Variants in LMNB1 observed in about 807,000 individuals in gnomAD.
LMNB1 encodes lamin B1.
A neutral mutation model predicts 67.1 loss-of-function variants in LMNB1; 23 were observed. The ratio of observed to expected loss-of-function variants is 0.34; its 90% CI spans 0.25 to 0.49. The LOEUF (loss-of-function observed/expected upper bound fraction) is 0.49, where lower values mean the gene tolerates loss of function less well. Among genes scored for constraint, LMNB1 ranks in the 20% least tolerant of loss-of-function variants. The probability of loss-of-function intolerance (pLI) is 0.99; values close to 1 mark genes in which losing one functional copy is unlikely to be tolerated. For synonymous variants in LMNB1, 281 were observed against 282.9 expected (o/e 0.99, Z 0.07); for missense variants, 634 against 746.5 (o/e 0.85, Z 1.76).
chr5:126,787,549 T>TTG (rs1750840129), intron 1 of LMNB1, among the ~76,000 whole-genome samples: 1 of 120,366 alleles, frequency 8.3e-6, no homozygotes, highest in Non-Finnish European at 1.8e-5. Flanking sequence ...TATATATATT[T>TTG]TTTTTTTTTT....
rs1752251088 is a variant in LMNB1 at position 126,836,508 on chromosome 5, G to C, written c.*244G>C. On this transcript the variant is annotated 3_prime_UTR_variant, in exon 11 of 11. Coordinates refer to ENST00000261366, the MANE Select transcript of LMNB1 (RefSeq NM_005573.4). ...CTTAATAACTGTGTACTGTTCGGAAGGGGTTCCTCAAATTTTTTGACTTTT... is the reference window on the plus strand; with the variant it reads ...CTTAATAACTGTGTACTGTTCGGAACGGGTTCCTCAAATTTTTTGACTTTT... 3 of 369,236 alleles carry C rather than the reference G, an allele frequency of 8.1e-6. No homozygotes were observed. Among genetic ancestry groups the C allele is most frequent in the Non-Finnish European group, 9.6e-6 (2 of 208,684 alleles). The allele number at this position is 369,236 out of a possible 1,614,324, so 22.9% of individuals were successfully genotyped here. A position where few individuals can be genotyped will look rare whatever the true frequency, so the allele number is the denominator to read the frequency against.
chr5:126,821,100 G>A lies in LMNB1; in HGVS notation c.1351G>A (p.Gly451Arg). ...NVCIEEIDVD[G>R]KFIRLKNTSE... Reference sequence around the variant, plus strand: ...TTGCATCGAAGAAATTGATGTTGATGGGAAATTTATCCGCTTGAAGAACAC... The same window carrying A: ...TTGCATCGAAGAAATTGATGTTGATAGGAAATTTATCCGCTTGAAGAACAC... Residue 451 changes from glycine (G) to arginine (R), a missense_variant, in exon 7 of 11, where the codon GGG becomes AGG. By Grantham distance (125) the Gly-to-Arg change is moderately radical (BLOSUM62 -2). Coordinates refer to ENST00000261366, the MANE Select transcript of LMNB1 (RefSeq NM_005573.4). 1 of 1,613,786 alleles carries A rather than the reference G, an allele frequency of 6.2e-7. No homozygotes were observed.
At chr5:126,824,049 A>G (rs1183399578) in intron 8 of LMNB1, among the ~76,000 whole-genome samples, 6 of 152,168 alleles carry the variant, frequency 3.9e-5, no homozygotes, top group Admixed American at 2.0e-4. Context: ...GGGACTAAAT[A>G]CATGGATTCT....
chr5:126,819,337 ATTTATTATTATT>A, intron 6 of LMNB1, 195 bp downstream of exon 6: 1 of 479,176 alleles, frequency 2.1e-6, no homozygotes, highest in Non-Finnish European at 3.7e-6. Context: ...CTCTTAGTTT[ATTTATTATTATT>A]ACTTTAAATG....
intron 1 of LMNB1, among the ~76,000 whole-genome samples, chr5:126,788,246 A>G (rs1424590528): frequency 6.6e-6 from 1 of 152,114 alleles, no homozygotes; most frequent in Non-Finnish European, 1.5e-5. Flanking sequence ...TTAGGTAGCA[A>G]TGTTAGTTGG....
Position 126,811,753 on chromosome 5 carries a change from TG to T in LMNB1, c.814-19del. 3 of 1,596,622 alleles carry T rather than the reference TG, an allele frequency of 1.9e-6. No homozygotes were observed. The highest frequency in any genetic ancestry group is 2.2e-5 in the South Asian group (2 of 90,208). On this transcript the variant is annotated intron_variant, in intron 4 of 10. Transcript: ENST00000261366. ...TTTCAGTTCTAGATAAGACTGACTA[TG>T]CTTTGCTTCTTCTTTTAGCTTGAGA... is the stretch of plus-strand genomic sequence containing the variant.
chr5:126,778,008 C>G (rs1333177133), intron 1 of LMNB1, 141 bp downstream of exon 1: 2 of 755,628 alleles, frequency 2.6e-6, no homozygotes, highest in Admixed American at 3.9e-5. Flanking sequence ...GTCTCGGTCT[C>G]CGGAAAGGAG....
intron 10 of LMNB1, among the ~76,000 whole-genome samples, chr5:126,833,014 G>A (rs1020899824): frequency 1.9e-4 from 29 of 151,968 alleles, no homozygotes; most frequent in African/African-American, 5.8e-4. Flanking sequence ...TTTTCTCATT[G>A]TACCAAGTTT....
chr5:126,798,782 T>C (rs980815508), intron 1 of LMNB1, among the ~76,000 whole-genome samples: 9 of 151,828 alleles, frequency 5.9e-5, no homozygotes, highest in African/African-American at 1.7e-4. Flanking sequence ...TGTGTGTGTG[T>C]GTGCGTGTGC....
At chr5:126,807,185 G>A (rs1580541207) in intron 3 of LMNB1, among the ~76,000 whole-genome samples, 2 of 152,288 alleles carry the variant, frequency 1.3e-5, no homozygotes, top group South Asian at 4.1e-4. Context: ...TGAGGAAAGG[G>A]GAATGTATAT....
chr5:126,823,912 A>G (rs1259557255), intron 8 of LMNB1, among the ~76,000 whole-genome samples: 2 of 152,184 alleles, frequency 1.3e-5, no homozygotes, highest in Admixed American at 6.5e-5. Flanking sequence ...TGGAAGCTGT[A>G]TAATGTGGTA....
intron 10 of LMNB1, among the ~76,000 whole-genome samples, chr5:126,833,575 T>G (rs1752183031): frequency 6.6e-6 from 1 of 152,232 alleles, no homozygotes. Flanking sequence ...GTAGCATGAA[T>G]TTTTTACCTG....
intron 1 of LMNB1, among the ~76,000 whole-genome samples, chr5:126,779,749 T>A (rs553121098): frequency 2.7e-5 from 4 of 149,638 alleles, no homozygotes; most frequent in Admixed American, 2.7e-4. Context: ...AATACAAAAA[T>A]TGGCCGGACG....
chr5:126,812,793 C>G (rs1346037258), intron 5 of LMNB1, among the ~76,000 whole-genome samples: 1 of 141,846 alleles, frequency 7.0e-6, no homozygotes. Context: ...TGCAGTGGTA[C>G]GATCTCGGCT....
At chr5:126,820,231 T>A (rs1751828786) in intron 6 of LMNB1, among the ~76,000 whole-genome samples, 1 of 152,160 alleles carries the variant, frequency 6.6e-6, no homozygotes, top group African/African-American at 2.4e-5. Context: ...TTATATCCGT[T>A]GTGATCATAA....
chr5:126,787,546 A>ATATATTTTTT, intron 1 of LMNB1, among the ~76,000 whole-genome samples: 23 of 65,524 alleles, frequency 3.5e-4, no homozygotes, highest in Middle Eastern at 0.019. Context: ...ATATATATAT[A>ATATATTTTTT]TTTTTTTTTT....
chr5:126,778,467 C>G (rs1218885322), intron 1 of LMNB1, among the ~76,000 whole-genome samples: 1 of 152,188 alleles, frequency 6.6e-6, no homozygotes, highest in Non-Finnish European at 1.5e-5. Flanking sequence ...TGACGTTTTG[C>G]GAAGATTCTA....
At chr5:126,797,222 G>T (rs1191253784) in intron 1 of LMNB1, among the ~76,000 whole-genome samples, 1 of 152,200 alleles carries the variant, frequency 6.6e-6, no homozygotes, top group African/African-American at 2.4e-5. Flanking sequence ...AGCATAGAAT[G>T]CCAGTTACAT....
intron 3 of LMNB1, among the ~76,000 whole-genome samples, chr5:126,806,898 C>T (rs984149707): frequency 6.6e-6 from 1 of 152,078 alleles, no homozygotes; most frequent in African/African-American, 2.4e-5. Context: ...CTGCCTTAGC[C>T]CCCCTAGTAG....
Sources: allele counts gnomAD v4.1 joint callset (sites outside exome capture counted in the v4.1 genomes callset), GRCh38; gene constraint gnomAD v4.1.1; transcripts MANE v1.5; gene names NCBI Gene and HGNC (gene_info 2026-07-23, HGNC 2026-07-21).